Variants in DOCK6 observed in about 807,000 individuals in gnomAD.
DOCK6 encodes the protein dedicator of cytokinesis 6.
DOCK6 carries 167 observed loss-of-function variants against 230.3 expected under a neutral mutation model. The ratio of observed to expected loss-of-function variants is 0.73; its 90% CI spans 0.64 to 0.82. The LOEUF (loss-of-function observed/expected upper bound fraction) is 0.82, where lower values mean the gene tolerates loss of function less well. Ranked by LOEUF, DOCK6 falls within the 40% of genes least tolerant of loss-of-function variation. DOCK6 has a pLI of 0.00. For missense variants in DOCK6, 2,598 were observed against 2,825.8 expected (o/e 0.92, Z 1.83); for synonymous variants, 1,148 against 1,185.0 (o/e 0.97, Z 0.64).
In DOCK6 at chr19:11,238,698, TC is replaced by T. The variant is rs531996640; in HGVS notation, c.1644-395del. On this transcript the variant is annotated intron_variant, in intron 14 of 47. Coordinates refer to ENST00000294618, the MANE Select transcript of DOCK6 (RefSeq NM_020812.4). ...CCCCACCCAAGGGCCTGACTGCCCT[TC>T]CCCCAGGAGGTCACTAGAGTTATGT... 611 of 190,016 alleles carry T rather than the reference TC, an allele frequency of 3.2e-3. 2 individuals carry two copies. The highest frequency in any genetic ancestry group is 4.1e-3 in the Admixed American group (77 of 18,928). 11.8% of individuals were successfully genotyped at this position (190,016 alleles called of 1,614,324 possible).
At chr19:11,249,954 C>T (rs1404157772) in intron 6 of DOCK6, among the ~76,000 whole-genome samples, 1 of 149,686 alleles carries the variant, frequency 6.7e-6, no homozygotes, top group Non-Finnish European at 1.5e-5. Flanking sequence ...GAGTAGGTGC[C>T]CAATAAATAC....
chr19:11,209,033 C>G lies in DOCK6; in HGVS notation c.4822G>C (p.Ala1608Pro), dbSNP rs997368312. The G allele has an allele frequency of 6.2e-7, 1 of 1,611,982 alleles. No homozygotes were observed. Among genetic ancestry groups the G allele is most frequent in the East Asian group, 2.2e-5 (1 of 44,856 alleles). Reference protein sequence around the residue: ...TWLQNMAGKHAELGNHAEAAQ... With the variant: ...TWLQNMAGKHPELGNHAEAAQ... ...GCCTCGGCGTGGTTGCCCAGCTCCG[C>G]GTGCTTCCCGGCCATGTTCTGCAAC... is the stretch of plus-strand genomic sequence containing the variant. Residue 1608 changes from alanine (A) to proline (P), a missense_variant, in exon 38 of 48, where the codon GCG becomes CCG. Physicochemically the swap from Ala to Pro is conservative, Grantham distance 27 (BLOSUM62 -1). Transcript: ENST00000294618.
rs113682533 is a variant in DOCK6, at chr19:11,236,769, C to T, written c.2160+24G>A. On this transcript the variant is annotated intron_variant, in intron 19 of 47. Transcript: ENST00000294618. This position sits in a 1 kb window ranked among gnomAD's most constrained non-coding sequence, Gnocchi z 5.2. ...GGCAAGAGGGGAGCAGGGCGGGACT[C>T]TTGGTTCCCGGCCCACCCCGTACCT... is the stretch of plus-strand genomic sequence containing the variant. 3.7e-5 allele frequency: 58 copies of T among 1,551,746 alleles called. No individual in the cohort carries two copies. The African/African-American group carries it at 6.0e-4, about 16-fold the overall frequency.
At chr19:11,244,040 G>T (rs2079994229) in intron 9 of DOCK6, among the ~76,000 whole-genome samples, 158 bp from the exon 10 acceptor site, 2 of 152,142 alleles carry the variant, frequency 1.3e-5, no homozygotes, top group African/African-American at 4.8e-5. Flanking sequence ...CTGTCCTTGG[G>T]ATCAAGGGTT....
In DOCK6 at chr19:11,212,016, G is replaced by A. The variant is rs751621149; in HGVS notation, c.4627C>T (p.Arg1543Trp). Residue 1543 changes from arginine (R) to tryptophan (W), a missense_variant, in exon 36 of 48, where the codon CGG becomes TGG. Physicochemically the swap from Arg to Trp is moderately radical, Grantham distance 101. Transcript: ENST00000294618. ...ACCTGCTCTGCGAAGGTGCTGTCCC[G>A]CAGCCCCATGTCCTCCTCAGCATAG... ...LTYAEEDMGL[R>W]DSTFAEQVQD... The A allele has an allele frequency of 5.6e-6, 9 of 1,606,812 alleles. No individual in the cohort carries two copies. The highest frequency in any genetic ancestry group is 2.2e-5 in the East Asian group (1 of 44,650).
chr19:11,204,441 C>A (rs1251908305), intron 39 of DOCK6, 110 bp from the exon 40 acceptor site: 2 of 1,459,946 alleles, frequency 1.4e-6, no homozygotes, highest in Admixed American at 2.2e-5. Flanking sequence ...CCCTCCATCA[C>A]CTCCTCCAGG....
intron 24 of DOCK6, among the ~76,000 whole-genome samples, chr19:11,224,214 C>CTT (rs1555691471): frequency 4.2e-5 from 6 of 142,116 alleles, no homozygotes; most frequent in Non-Finnish European, 7.7e-5. Context: ...TTCTTTCTTT[C>CTT]TTTTTTTTTT....
intron 2 of DOCK6, 76 bp downstream of exon 2, chr19:11,253,563 G>C (rs1349252364): frequency 9.9e-7 from 1 of 1,008,012 alleles, no homozygotes; most frequent in East Asian, 3.2e-5. Flanking sequence ...GGGTGGGATA[G>C]AACCTAGGCC....
Position 11,236,716 on chromosome 19 carries a change from T to G in DOCK6, c.2160+77A>C. 1 of 1,531,868 alleles carries G rather than the reference T, an allele frequency of 6.5e-7. No individual in the cohort carries two copies. The highest frequency in any genetic ancestry group is 1.2e-5 in the South Asian group (1 of 83,580). 94.9% of individuals were successfully genotyped at this position (1,531,868 alleles called of 1,614,324 possible). On this transcript the variant is annotated intron_variant, in intron 19 of 47. Coordinates refer to ENST00000294618, the MANE Select transcript of DOCK6 (RefSeq NM_020812.4). This position sits in a 1 kb window ranked among gnomAD's most constrained non-coding sequence, Gnocchi z 5.2. ...GCCTGAGGCCAGACCTCCCCGGCCATCGGCAACTGTTACTCAATCGTAGGG... is the reference window on the plus strand; with the variant it reads ...GCCTGAGGCCAGACCTCCCCGGCCAGCGGCAACTGTTACTCAATCGTAGGG...
Position 11,202,613 on chromosome 19 carries a change from T to G in DOCK6, c.5332A>C (p.Lys1778Gln). ...AGCCGGTGTGAGATCTCTGCCAGCTTCGTGATCGATGGCTCCTTGTACACA... is the reference window on the plus strand; with the variant it reads ...AGCCGGTGTGAGATCTCTGCCAGCTGCGTGATCGATGGCTCCTTGTACACA... ...EFVYKEPSIT[K>Q]LAEISHRLEE... The change falls in exon 42 of 48, where the codon AAG (lysine) becomes CAG (glutamine). Residue 1778 changes from lysine to glutamine, a missense_variant. Physicochemically the swap from Lys to Gln is moderately conservative, Grantham distance 53. Transcript: ENST00000294618. This position sits in a 1 kb window ranked among gnomAD's most constrained non-coding sequence, Gnocchi z 5.3. 2 of 1,613,944 alleles carry G rather than the reference T, an allele frequency of 1.2e-6. No homozygotes were observed. Among genetic ancestry groups the G allele is most frequent in the African/African-American group, 1.3e-5 (1 of 75,032 alleles).
chr19:11,204,562 T>C (rs1444692888), intron 39 of DOCK6, among the ~76,000 whole-genome samples: 1 of 151,884 alleles, frequency 6.6e-6, no homozygotes, highest in Non-Finnish European at 1.5e-5. Flanking sequence ...TTTTTTGAGA[T>C]AGGGTCTCAC....
At chr19:11,210,185 T>TC in intron 37 of DOCK6, among the ~76,000 whole-genome samples, 1 of 134,660 alleles carries the variant, frequency 7.4e-6, no homozygotes, top group Non-Finnish European at 1.6e-5. Context: ...CACCTGTCCA[T>TC]CCCTTCAGCT....
chr19:11,253,883 C>A, intron 1 of DOCK6, 157 bp from the exon 2 acceptor site: 1 of 553,416 alleles, frequency 1.8e-6, no homozygotes, highest in Non-Finnish European at 3.1e-6. Flanking sequence ...CCACAGCTCC[C>A]CAGTTCCCCC....
At chr19:11,227,747 A>C (rs900681553) in intron 23 of DOCK6, among the ~76,000 whole-genome samples, 1 of 152,034 alleles carries the variant, frequency 6.6e-6, no homozygotes, top group African/African-American at 2.4e-5. Context: ...GATGGGGCTT[A>C]AGAAAGCCGT....
rs536185051 is a variant in DOCK6, at chr19:11,222,759, G to T, written c.3216C>A (p.Pro1072=). ...CPLSPPASPS[P]SVSSTTSQSS... ...CCTGGGAGGTGGTGGAGGACACAGA[G>T]GGGGAGGGCGAGGCTGGAGGTGACA... Residue 1072 remains proline (P), a synonymous_variant, in exon 26 of 48, where the codon CCC becomes CCA. Transcript: ENST00000294618. This position sits in a 1 kb window ranked among gnomAD's most constrained non-coding sequence, Gnocchi z 4.0. 1 of 1,578,390 alleles carries T rather than the reference G, an allele frequency of 6.3e-7. No homozygotes were observed. Among genetic ancestry groups the T allele is most frequent in the East Asian group, 2.3e-5 (1 of 43,512 alleles).
chr19:11,241,309 A>G (rs2079940339), intron 14 of DOCK6: 1 of 618,008 alleles, frequency 1.6e-6, no homozygotes, highest in East Asian at 2.8e-5. Context: ...TCCCCATTTT[A>G]CAGATGGGGA....
At chr19:11,244,039 G>A (rs2079994183) in intron 9 of DOCK6, among the ~76,000 whole-genome samples, 157 bp from the exon 10 acceptor site, 1 of 152,140 alleles carries the variant, frequency 6.6e-6, no homozygotes, top group Non-Finnish European at 1.5e-5. Context: ...GCTGTCCTTG[G>A]GATCAAGGGT....
chr19:11,239,547 G>A lies in DOCK6; in HGVS notation c.1644-1243C>T, dbSNP rs555285747. 7.5e-5 allele frequency: 111 copies of A among 1,479,454 alleles called. No individual in the cohort carries two copies. The African/African-American group carries it at 1.1e-3, about 14-fold the overall frequency. The allele number at this position is 1,479,454 out of a possible 1,614,324, so 91.6% of individuals were successfully genotyped here. Reference sequence around the variant, plus strand: ...CTTGTGCAATGCGGGGCACCAGGTCGGCCAGTTAACGATTGACTGGGGATC... The same window carrying A: ...CTTGTGCAATGCGGGGCACCAGGTCAGCCAGTTAACGATTGACTGGGGATC... On this transcript the variant is annotated intron_variant, in intron 14 of 47. Coordinates refer to ENST00000294618, the MANE Select transcript of DOCK6 (RefSeq NM_020812.4).
At position 11,252,962 on chromosome 19, in the gene DOCK6, G is replaced by A; in HGVS notation, c.133-4C>T. 1 of 1,601,008 alleles carries A rather than the reference G, an allele frequency of 6.2e-7. No homozygotes were observed. On this transcript the variant is annotated splice_polypyrimidine_tract_variant and splice_region_variant and intron_variant, in intron 2 of 47. Coordinates refer to ENST00000294618, the MANE Select transcript of DOCK6 (RefSeq NM_020812.4). ...CGACAACTTCAGTCAGTGGGACCTG[G>A]ATTGGAGCAAAGTGGCTGTGATCGC...
Sources: allele counts gnomAD v4.1 joint callset (sites outside exome capture counted in the v4.1 genomes callset), GRCh38; gene constraint gnomAD v4.1.1; non-coding constraint Gnocchi (gnomAD v3.1); transcripts MANE v1.5; gene names NCBI Gene and HGNC (gene_info 2026-07-23, HGNC 2026-07-21).